RIMS2: variants seen among roughly 807,000 people sequenced by gnomAD.
RIMS2 encodes regulating synaptic membrane exocytosis 2, also known as regulating synaptic membrane exocytosis protein 2.
RIMS2 carries 59 observed loss-of-function variants against 174.4 expected under a neutral mutation model. The observed-to-expected ratio is 0.34, with a 90% CI of 0.27 to 0.42. The LOEUF is 0.42. Among genes scored for constraint, RIMS2 ranks in the 10% least tolerant of loss-of-function variants. RIMS2 has a pLI of 1.00. For missense variants in RIMS2, 1,620 were observed against 1,666.3 expected, an observed-to-expected ratio of 0.97 and a Z score of 0.48; for synonymous variants, 606 against 572.5, an observed-to-expected ratio of 1.06 and a Z score of -0.84.
At chr8:103,978,451 A>G (rs577290368) in intron 16 of RIMS2, among the ~76,000 whole-genome samples, 1 of 152,372 alleles carries the variant, frequency 6.6e-6, no homozygotes, top group Non-Finnish European at 1.5e-5. Context: ...AATTTAAAAT[A>G]TGTAACCACT....
intron 3 of RIMS2, among the ~76,000 whole-genome samples, chr8:103,853,994 C>G (rs2099013285): frequency 6.6e-6 from 1 of 151,942 alleles, no homozygotes; most frequent in South Asian, 2.1e-4. Context: ...GACATTTTAA[C>G]AATATTGATT....
At chr8:103,633,238 G>T (rs1457473416) in intron 1 of RIMS2, among the ~76,000 whole-genome samples, 6 of 148,266 alleles carry the variant, frequency 4.0e-5, no homozygotes, top group Non-Finnish European at 8.9e-5. Flanking sequence ...GTATAGATGG[G>T]TTTTCACCAT....
At chr8:103,659,982 G>A (rs968679118) in intron 1 of RIMS2, among the ~76,000 whole-genome samples, 1 of 152,232 alleles carries the variant, frequency 6.6e-6, no homozygotes, top group African/African-American at 2.4e-5. Flanking sequence ...ATGGTCTTCA[G>A]AACCGGGGCC....
intron 19 of RIMS2, among the ~76,000 whole-genome samples, chr8:104,130,423 C>T (rs1227799186): frequency 2.0e-5 from 3 of 152,130 alleles, no homozygotes; most frequent in Non-Finnish European, 4.4e-5. Context: ...GATTCTGAAT[C>T]CTGTAGCTGA....
At position 103,653,257 on chromosome 8, in the gene RIMS2, A is replaced by G. The variant is rs536453028; in HGVS notation, c.177-43829A>G. On this transcript the variant is annotated intron_variant, in intron 1 of 23. Transcript: ENST00000504942. ...TGAAACATAATTTGGGAAATGTGGC[A>G]ATATATTCTCACACTGACCTGAAGC... 3.3e-5 allele frequency among the ~76,000 whole-genome samples: 5 copies of G among 152,320 alleles called. No homozygotes were observed. The South Asian group carries it at 8.3e-4, about 25-fold the overall frequency.
intron 1 of RIMS2, among the ~76,000 whole-genome samples, chr8:103,559,979 G>A (rs934577459): frequency 1.3e-5 from 2 of 152,166 alleles, no homozygotes; most frequent in African/African-American, 2.4e-5. Context: ...AGGCTAGGGC[G>A]TCAAATCTTT....
chr8:104,206,152 A>G (rs572958088), intron 19 of RIMS2, among the ~76,000 whole-genome samples: 2 of 152,302 alleles, frequency 1.3e-5, no homozygotes, highest in East Asian at 1.9e-4. Context: ...AGGTTGCCTC[A>G]TGATTCACTG....
chr8:103,903,979 T>C (rs1395484831), intron 4 of RIMS2, among the ~76,000 whole-genome samples: 3 of 152,148 alleles, frequency 2.0e-5, no homozygotes, highest in Admixed American at 1.3e-4. Flanking sequence ...AATGTTTTTA[T>C]AGTTCTAGGA....
chr8:103,916,322 T>C lies in RIMS2; in HGVS notation c.1913-92T>C, dbSNP rs553862838. The C allele has an allele frequency of 1.2e-5, 10 of 856,808 alleles. 1 individual carries two copies. In the South Asian group the frequency reaches 1.7e-4, roughly 15 times the overall value. 53.1% of individuals were successfully genotyped at this position (856,808 alleles called of 1,614,324 possible). A position where few individuals can be genotyped will look rare whatever the true frequency, so the allele number is the denominator to read the frequency against. Reference sequence around the variant, plus strand: ...GTATTGTATAATGGTTATTTTATCCTATGGAGTTTATTGAAGTTTAAGATG... The same window carrying C: ...GTATTGTATAATGGTTATTTTATCCCATGGAGTTTATTGAAGTTTAAGATG... On this transcript the variant is annotated intron_variant, in intron 7 of 23. Transcript: ENST00000504942.
chr8:103,951,534 G>A (rs938852571), intron 14 of RIMS2, among the ~76,000 whole-genome samples: 1 of 152,130 alleles, frequency 6.6e-6, no homozygotes, highest in Admixed American at 6.5e-5. Flanking sequence ...CCCAGCCAAG[G>A]GAACCCATTA....
intron 3 of RIMS2, among the ~76,000 whole-genome samples, chr8:103,850,788 C>G (rs374078266): frequency 6.6e-6 from 1 of 152,140 alleles, no homozygotes; most frequent in Middle Eastern, 3.4e-3. Flanking sequence ...TGTACCAGAT[C>G]TGCTCTGTTG....
At chr8:103,820,783 T>C (rs2098747136) in intron 3 of RIMS2, among the ~76,000 whole-genome samples, 1 of 151,800 alleles carries the variant, frequency 6.6e-6, no homozygotes, top group African/African-American at 2.4e-5. Context: ...TTGAGACAAA[T>C]TAAAAACATC....
chr8:103,907,535 C>G (rs1410146705), intron 4 of RIMS2, among the ~76,000 whole-genome samples: 1 of 151,676 alleles, frequency 6.6e-6, no homozygotes, highest in African/African-American at 2.4e-5. Flanking sequence ...TTTTTTTTCT[C>G]TGCATGCTGT....
Position 103,500,909 on chromosome 8 carries a change from G to A in RIMS2, c.23G>A (p.Arg8Gln), listed in dbSNP as rs772066725. 1.7e-5 allele frequency: 28 copies of A among 1,601,856 alleles called. No homozygotes were observed. The Admixed American group carries it at 4.6e-4, about 26-fold the overall frequency. The change falls in exon 1 of 24, where the codon CGG becomes CAG. Residue 8 changes from arginine (R) to glutamine (Q), a missense_variant. Physicochemically the swap from Arg to Gln is conservative, Grantham distance 43. This residue lies in a region of RIMS2 where 1,395 missense variants were observed against 1,360.1 expected (regional missense o/e 1.03). Coordinates refer to ENST00000504942, the Ensembl canonical transcript of RIMS2. Reference sequence around the variant, plus strand: ...AACATGTCGGCTCCTGTCGGGCCCCGGGGCCGCCTGGCTCCCATCCCGGCG... The same window carrying A: ...AACATGTCGGCTCCTGTCGGGCCCCAGGGCCGCCTGGCTCCCATCCCGGCG...
intron 3 of RIMS2, among the ~76,000 whole-genome samples, chr8:103,881,815 A>C (rs1054374349): frequency 6.6e-6 from 1 of 151,498 alleles, no homozygotes; most frequent in African/African-American, 2.4e-5. Flanking sequence ...CTGGCAAAAG[A>C]GAAAGCAATT....
At chr8:104,063,907 T>A (rs1012535820) in intron 19 of RIMS2, among the ~76,000 whole-genome samples, 3 of 152,042 alleles carry the variant, frequency 2.0e-5, no homozygotes, top group Non-Finnish European at 4.4e-5. Flanking sequence ...GTGTCAGGAG[T>A]GTGTGTGTGT....
chr8:103,503,105 A>G (rs1178417284), intron 1 of RIMS2, among the ~76,000 whole-genome samples: 1 of 152,102 alleles, frequency 6.6e-6, no homozygotes, highest in South Asian at 2.1e-4. Context: ...ATAAAATTAC[A>G]TTGATGAAAA....
At position 104,042,840 on chromosome 8, in the gene RIMS2, T is replaced by C. The variant is rs563259302; in HGVS notation, c.3334+28225T>C. ...ATAGATTAGGGTAGCATATCAGCAT[T>C]CAAGTGATGCCATTGGAATTAATGG... On this transcript the variant is annotated intron_variant, in intron 19 of 23. Transcript: ENST00000504942. Among the ~76,000 whole-genome samples the C allele has an allele frequency of 5.3e-5, 8 of 151,624 alleles. No homozygotes were observed. The East Asian group carries it at 1.4e-3, about 26-fold the overall frequency.
At chr8:104,109,078 A>G (rs1566456699) in intron 19 of RIMS2, among the ~76,000 whole-genome samples, 2 of 151,990 alleles carry the variant, frequency 1.3e-5, no homozygotes, top group African/African-American at 4.8e-5. Flanking sequence ...CGGACAGATC[A>G]ATAGGTCAGG....
Sources: allele counts gnomAD v4.1 joint callset (sites outside exome capture counted in the v4.1 genomes callset), GRCh38; gene constraint gnomAD v4.1.1; regional missense constraint gnomAD v4.1.1; transcripts MANE v1.5; gene names NCBI Gene and HGNC (gene_info 2026-07-23, HGNC 2026-07-21).